Variants in MOB1B observed in about 807,000 individuals in gnomAD.
MOB1B encodes the protein MOB1 Mps One Binder homolog B.
MOB1B carries 19 observed loss-of-function variants against 24.4 expected under a neutral mutation model. The ratio of observed to expected loss-of-function variants is 0.78; its 90% CI spans 0.54 to 1.14. MOB1B has a LOEUF of 1.14. Among genes scored for constraint, MOB1B ranks in the 50% most tolerant of loss-of-function variants. The pLI is 0.00. For missense variants in MOB1B, 243 were observed against 259.6 expected, an observed-to-expected ratio of 0.94 and a Z score of 0.44; for synonymous variants, 76 against 82.1, an observed-to-expected ratio of 0.93 and a Z score of 0.40.
intron 1 of MOB1B, among the ~76,000 whole-genome samples, chr4:70,932,442 T>C (rs1320242652): frequency 6.6e-6 from 1 of 152,180 alleles, no homozygotes; most frequent in Non-Finnish European, 1.5e-5. Flanking sequence ...AATGCCTGAG[T>C]TAAATAATAA....
intron 1 of MOB1B, among the ~76,000 whole-genome samples, chr4:70,920,532 A>G (rs1391225618): frequency 6.6e-6 from 1 of 152,226 alleles, no homozygotes; most frequent in African/African-American, 2.4e-5. Context: ...GCTTCTTATT[A>G]TTACAGCAAT....
intron 1 of MOB1B, among the ~76,000 whole-genome samples, chr4:70,957,426 C>T (rs1738109656): frequency 1.3e-5 from 2 of 148,382 alleles, no homozygotes; most frequent in South Asian, 2.1e-4. Flanking sequence ...ATCGCTCGCT[C>T]TCTCTCTCTT....
intron 1 of MOB1B, among the ~76,000 whole-genome samples, chr4:70,917,443 T>C (rs1437331101): frequency 3.9e-5 from 6 of 152,218 alleles, no homozygotes; most frequent in Admixed American, 3.9e-4. Context: ...ACGTCATCTT[T>C]TTCTTGGGAG....
At position 70,983,096 on chromosome 4, in the gene MOB1B, T is replaced by G. The variant is rs1471042190; in HGVS notation, c.*1039T>G. ...TACTTATAAACAAAGTCTTAGAGACTTCCTTTTAGGAATCAACTTCCATGA... is the reference window on the plus strand; with the variant it reads ...TACTTATAAACAAAGTCTTAGAGACGTCCTTTTAGGAATCAACTTCCATGA... On this transcript the variant is annotated 3_prime_UTR_variant, in exon 6 of 6. Transcript: ENST00000309395. 4 of 152,398 alleles carry G rather than the reference T, an allele frequency of 2.6e-5. No individual in the cohort carries two copies. In the East Asian group the frequency reaches 5.8e-4, roughly 22 times the overall value. 9.4% of individuals were successfully genotyped at this position (152,398 alleles called of 1,614,324 possible).
intron 1 of MOB1B, among the ~76,000 whole-genome samples, chr4:70,943,641 C>T (rs1346168114): frequency 6.6e-6 from 1 of 152,180 alleles, no homozygotes; most frequent in Non-Finnish European, 1.5e-5. Context: ...GGACCTGCTT[C>T]TAAATTGTCC....
intron 1 of MOB1B, among the ~76,000 whole-genome samples, chr4:70,915,003 G>A (rs1270402626): frequency 2.0e-5 from 3 of 152,174 alleles, no homozygotes; most frequent in Admixed American, 1.3e-4. Flanking sequence ...AATGTTGGGA[G>A]GATTAGAGAT....
chr4:70,928,401 T>G (rs1736740068), intron 1 of MOB1B, among the ~76,000 whole-genome samples: 1 of 151,908 alleles, frequency 6.6e-6, no homozygotes, highest in South Asian at 2.1e-4. Context: ...GTTCAAGCGA[T>G]TCTCCTGCTT....
intron 2 of MOB1B, among the ~76,000 whole-genome samples, chr4:70,966,958 C>T (rs1282832597): frequency 6.6e-6 from 1 of 151,942 alleles, no homozygotes; most frequent in Non-Finnish European, 1.5e-5. Context: ...GCAGAAAAAC[C>T]ATTTGCTAAA....
At chr4:70,976,412 A>C (rs974059913) in intron 4 of MOB1B, 1 of 985,370 alleles carries the variant, frequency 1.0e-6, no homozygotes, top group Non-Finnish European at 1.2e-6. Context: ...ATATTAAGCT[A>C]TGTGAGAAGA....
At chr4:70,928,442 C>T (rs768021663) in intron 1 of MOB1B, among the ~76,000 whole-genome samples, 11 of 151,888 alleles carry the variant, frequency 7.2e-5, no homozygotes, top group Non-Finnish European at 1.0e-4. Context: ...ATTACAGGCG[C>T]GTGCCACCAT....
chr4:70,957,279 C>T, intron 1 of MOB1B, among the ~76,000 whole-genome samples: 1 of 122,236 alleles, frequency 8.2e-6, no homozygotes, highest in African/African-American at 3.1e-5. Flanking sequence ...AAAAAAAAAA[C>T]AGAAAAAAAA....
chr4:70,975,197 T>C lies in MOB1B; in HGVS notation c.320T>C (p.Ile107Thr). ...WADGTNIKKP[I>T]KCSAPKYIDY... Reference sequence around the variant, plus strand: ...GATGGAACGAACATAAAGAAACCTATTAAGTGCTCTGCACCAAAGTATATT... The same window carrying C: ...GATGGAACGAACATAAAGAAACCTACTAAGTGCTCTGCACCAAAGTATATT... Residue 107 changes from isoleucine to threonine, a missense_variant, in exon 4 of 6, where the codon ATT becomes ACT. Ile to Thr is a moderately conservative substitution (Grantham distance 89). Coordinates refer to ENST00000309395, the MANE Select transcript of MOB1B (RefSeq NM_173468.4). 1 of 1,612,190 alleles carries C rather than the reference T, an allele frequency of 6.2e-7. No individual in the cohort carries two copies. The highest frequency in any genetic ancestry group is 8.5e-7 in the Non-Finnish European group (1 of 1,179,226).
intron 1 of MOB1B, among the ~76,000 whole-genome samples, chr4:70,937,518 T>TG (rs1277130391): frequency 4.6e-5 from 7 of 151,920 alleles, no homozygotes; most frequent in Non-Finnish European, 8.8e-5. Context: ...TCCCATCTGT[T>TG]TTTTTTTCTT....
chr4:70,902,761 C>T (rs2148862420), intron 1 of MOB1B, among the ~76,000 whole-genome samples: 1 of 152,320 alleles, frequency 6.6e-6, no homozygotes, highest in South Asian at 2.1e-4. Flanking sequence ...TACTCGTGGG[C>T]TCCTGCAGCC....
intron 1 of MOB1B, among the ~76,000 whole-genome samples, chr4:70,936,179 A>G (rs1737077701): frequency 6.6e-6 from 1 of 152,012 alleles, no homozygotes; most frequent in Non-Finnish European, 1.5e-5. Context: ...TTTTTAGTAG[A>G]GACAGAATTT....
chr4:70,960,649 A>G (rs1348068714), intron 2 of MOB1B, among the ~76,000 whole-genome samples: 1 of 152,140 alleles, frequency 6.6e-6, no homozygotes, highest in African/African-American at 2.4e-5. Context: ...TTATTATGTG[A>G]TTATCCTCCT....
At chr4:70,928,266 T>C (rs1267664510) in intron 1 of MOB1B, among the ~76,000 whole-genome samples, 1 of 151,998 alleles carries the variant, frequency 6.6e-6, no homozygotes, top group Non-Finnish European at 1.5e-5. Flanking sequence ...CAATTTTTTT[T>C]CCTGACTAAT....
At chr4:70,949,533 T>C (rs943640561) in intron 1 of MOB1B, among the ~76,000 whole-genome samples, 19 of 152,176 alleles carry the variant, frequency 1.2e-4, no homozygotes, top group African/African-American at 4.3e-4. Context: ...TAGGGTGGAA[T>C]TTTACTTTTT....
Position 70,986,978 on chromosome 4 carries a change from A to G in MOB1B, c.*4921A>G, listed in dbSNP as rs1163497858. 3 of 152,184 alleles carry G rather than the reference A, an allele frequency of 2.0e-5. No homozygotes were observed. The highest frequency in any genetic ancestry group is 2.9e-5 in the Non-Finnish European group (2 of 68,006). 9.4% of individuals were successfully genotyped at this position (152,184 alleles called of 1,614,324 possible). ...CAAAAATGAGTTTTGCAAATGTAAT[A>G]ACTTTTTCTGCATATAGAACTAAAT... On this transcript the variant is annotated 3_prime_UTR_variant, in exon 6 of 6. Coordinates refer to ENST00000309395, the MANE Select transcript of MOB1B (RefSeq NM_173468.4).
Sources: gnomAD v4.1 joint callset for allele counts (sites outside exome capture counted in the v4.1 genomes callset) on GRCh38, gnomAD v4.1.1 for gene constraint, MANE v1.5 for transcripts, NCBI Gene and HGNC (gene_info 2026-07-23, HGNC 2026-07-21) for gene names.